Variants in CASP4 observed in about 807,000 individuals in gnomAD.
CASP4 encodes the protein caspase 4.
In CASP4, 29 loss-of-function variants were observed where a neutral mutation model predicts 41.3. The observed-to-expected ratio is 0.70, with a 90% CI of 0.52 to 0.96. CASP4 has a LOEUF of 0.96. CASP4 is among the 40% of genes least tolerant of loss of function. The pLI is 0.00. For missense variants in CASP4, 447 were observed against 460.6 expected (o/e 0.97, Z 0.27); for synonymous variants, 185 against 158.4 (o/e 1.17, Z -1.26).
chr11:104,949,686 A>C lies in CASP4; in HGVS notation c.638T>G (p.Leu213Arg). Reference protein sequence around the residue: ...TFLVLMSHGILEGICGTVHDE... With the variant: ...TFLVLMSHGIREGICGTVHDE... ...ATGCACAGTTCCGCAGATTCCCTCC[A>C]GGATGCCATGAGACATGAGTACCAA... is the stretch of plus-strand genomic sequence containing the variant. Residue 213 changes from leucine (L) to arginine (R), a missense_variant, in exon 5 of 9, where the codon CTG (leucine) becomes CGG (arginine). By Grantham distance (102) the Leu-to-Arg change is moderately radical. Transcript: ENST00000444739. 1 of 1,613,956 alleles carries C rather than the reference A, an allele frequency of 6.2e-7. No homozygotes were observed. Among genetic ancestry groups the C allele is most frequent in the Non-Finnish European group, 8.5e-7 (1 of 1,179,896 alleles).
At chr11:104,949,893 C>T (rs1424027938) in intron 4 of CASP4, 116 bp from the exon 5 acceptor site, 2 of 915,590 alleles carry the variant, frequency 2.2e-6, no homozygotes, top group Admixed American at 2.1e-5. Context: ...TGGTGCTTCA[C>T]TTAGTGCTTA....
intron 2 of CASP4, among the ~76,000 whole-genome samples, chr11:104,953,311 G>A (rs1020663396): frequency 4.6e-5 from 7 of 152,170 alleles, no homozygotes; most frequent in Middle Eastern, 3.4e-3. Flanking sequence ...AGGGGTTGCC[G>A]CTGCCTTATT....
intron 2 of CASP4, 158 bp from the exon 3 acceptor site, chr11:104,952,163 G>A (rs887572140): frequency 1.8e-6 from 1 of 566,050 alleles, no homozygotes; most frequent in Non-Finnish European, 3.2e-6. Context: ...GAGATGTATT[G>A]TTACTGGAAA....
chr11:104,967,727 A>G (rs768484073), intron 1 of CASP4, among the ~76,000 whole-genome samples: 33 of 152,190 alleles, frequency 2.2e-4, no homozygotes, highest in Non-Finnish European at 4.3e-4. Flanking sequence ...CTTTTTTTAT[A>G]TGACTACAGA....
chr11:104,949,501 A>C, intron 5 of CASP4, 42 bp downstream of exon 5: 1 of 1,593,720 alleles, frequency 6.3e-7, no homozygotes, highest in Non-Finnish European at 8.6e-7. Flanking sequence ...AATCCTCTGC[A>C]TACACCTTCA....
chr11:104,967,805 A>T (rs755506449), intron 1 of CASP4, among the ~76,000 whole-genome samples: 37 of 152,172 alleles, frequency 2.4e-4, no homozygotes, highest in Non-Finnish European at 4.1e-4. Context: ...TCCTGTGAGG[A>T]GAATGAAGCC....
At chr11:104,950,680 A>G (rs555082447) in intron 4 of CASP4, among the ~76,000 whole-genome samples, 1 of 152,246 alleles carries the variant, frequency 6.6e-6, no homozygotes, top group East Asian at 1.9e-4. Flanking sequence ...TGATTTTGGA[A>G]TTCAATAAGA....
chr11:104,955,966 T>C (rs1860728545), intron 1 of CASP4, among the ~76,000 whole-genome samples: 1 of 152,124 alleles, frequency 6.6e-6, no homozygotes, highest in Admixed American at 6.5e-5. Flanking sequence ...ACCAGCCTCA[T>C]TGTCTGGGTT....
rs56054281 is a variant in CASP4, at chr11:104,960,808, C to T, written c.8-5807G>A. Reference sequence around the variant, plus strand: ...TATTTTTCCATTTAATTGTGATTCCCAGCCTACTTATCTCTATCCACTGTT... The same window carrying T: ...TATTTTTCCATTTAATTGTGATTCCTAGCCTACTTATCTCTATCCACTGTT... On this transcript the variant is annotated intron_variant, in intron 1 of 8. Transcript: ENST00000444739. 3.5e-3 allele frequency among the ~76,000 whole-genome samples: 536 copies of T among 152,088 alleles called. 13 individuals are homozygous for T. The East Asian group carries it at 0.07, about 20-fold the overall frequency.
At chr11:104,952,722 T>C (rs1338481351) in intron 2 of CASP4, among the ~76,000 whole-genome samples, 4 of 152,196 alleles carry the variant, frequency 2.6e-5, no homozygotes, top group African/African-American at 9.7e-5. Context: ...TAATTTTTAA[T>C]GATTCTAGAA....
intron 4 of CASP4, 100 bp from the exon 5 acceptor site, chr11:104,949,877 A>G (rs1296837702): frequency 2.1e-5 from 23 of 1,108,974 alleles, no homozygotes; most frequent in Non-Finnish European, 2.9e-5. Flanking sequence ...TGTAACATCC[A>G]GGTCGTGGTG....
chr11:104,966,521 C>A (rs1160126074), intron 1 of CASP4, among the ~76,000 whole-genome samples: 1 of 152,174 alleles, frequency 6.6e-6, no homozygotes, highest in Non-Finnish European at 1.5e-5. Flanking sequence ...GTCTCAGGTA[C>A]AGCTGTCCAG....
Position 104,954,894 on chromosome 11 carries a change from C to A in CASP4, c.115G>T (p.Glu39Ter), listed in dbSNP as rs369105517. The change falls in exon 2 of 9, where the codon GAA (glutamate) becomes TAA (stop). Residue 39 changes from glutamate to a stop codon, truncating the protein, a stop_gained. Transcript: ENST00000444739. LOFTEE classifies it high-confidence loss of function. ...LVEQNVLNWK[E>*]EEKKKYYDAK... Reference sequence around the variant, plus strand: ...TCGTAATATTTCTTTTTTTCCTCTTCCTTCCAGTTCAGTACATTTTGTTCC... The same window carrying A: ...TCGTAATATTTCTTTTTTTCCTCTTACTTCCAGTTCAGTACATTTTGTTCC... 1.9e-6 allele frequency: 3 copies of A among 1,613,618 alleles called. No individual in the cohort carries two copies. The highest frequency in any genetic ancestry group is 2.7e-5 in the African/African-American group (2 of 74,888).
rs759249933 is a variant in CASP4 at position 104,951,975 on chromosome 11, T to C, written c.293A>G (p.Glu98Gly). 3.1e-6 allele frequency: 5 copies of C among 1,612,504 alleles called. No homozygotes were observed. The highest frequency in any genetic ancestry group is 3.4e-6 in the Non-Finnish European group (4 of 1,179,022). ...GAGGGCATCTGTAGATTCTCCTGACTCAGGTGGTCCAGCCTCCATATTCGG... is the reference window on the plus strand; with the variant it reads ...GAGGGCATCTGTAGATTCTCCTGACCCAGGTGGTCCAGCCTCCATATTCGG... ...AHPNMEAGPP[E>G]SGESTDALKL... The change falls in exon 3 of 9, where the codon GAG becomes GGG. Residue 98 changes from glutamate to glycine, a missense_variant. By Grantham distance (98) the Glu-to-Gly change is moderately conservative (BLOSUM62 -2). Coordinates refer to ENST00000444739, the MANE Select transcript of CASP4 (RefSeq NM_001225.4).
At chr11:104,961,199 C>T (rs1860851033) in intron 1 of CASP4, among the ~76,000 whole-genome samples, 1 of 152,230 alleles carries the variant, frequency 6.6e-6, no homozygotes, top group South Asian at 2.1e-4. Flanking sequence ...GCAGGCACTG[C>T]CAACCCAATG....
At chr11:104,955,689 A>C (rs1215463074) in intron 1 of CASP4, among the ~76,000 whole-genome samples, 1 of 152,096 alleles carries the variant, frequency 6.6e-6, no homozygotes, top group Non-Finnish European at 1.5e-5. Context: ...GATTAGTTTA[A>C]TTTGACACCA....
rs1860605506 is a variant in CASP4, at chr11:104,951,236, C to G, written c.373-138G>C. On this transcript the variant is annotated intron_variant, in intron 3 of 8. Coordinates refer to ENST00000444739, the MANE Select transcript of CASP4 (RefSeq NM_001225.4). ...TTGTATCAAAAGACACTGACTTTCT[C>G]TCTCTCAAGAACCCAGGGAAAGAAC... 4.5e-6 allele frequency: 3 copies of G among 662,898 alleles called. No homozygotes were observed. In the South Asian group the frequency reaches 7.4e-5, roughly 16 times the overall value. The allele number at this position is 662,898 out of a possible 1,614,324, so 41.1% of individuals were successfully genotyped here. A position where few individuals can be genotyped will look rare whatever the true frequency, so the allele number is the denominator to read the frequency against.
In CASP4 at chr11:104,949,289, T is replaced by C. The variant is rs1860545236; in HGVS notation, c.781+254A>G. On this transcript the variant is annotated intron_variant, in intron 5 of 8. Transcript: ENST00000444739. ...CCATTCCAAAGTTTGAGTATTTCTG[T>C]TTAACTTTGATTTAGGGATTCTGAT... 7.5e-5 allele frequency: 38 copies of C among 508,486 alleles called. 1 individual carries two copies. In the South Asian group the frequency reaches 1.1e-3, roughly 15 times the overall value. 31.5% of individuals were successfully genotyped at this position (508,486 alleles called of 1,614,324 possible).
At chr11:104,963,501 T>G (rs780395378) in intron 1 of CASP4, among the ~76,000 whole-genome samples, 1 of 152,202 alleles carries the variant, frequency 6.6e-6, no homozygotes, top group Non-Finnish European at 1.5e-5. Context: ...AGTTTGAATT[T>G]TGGGGATATC....
Sources: allele counts gnomAD v4.1 joint callset (sites outside exome capture counted in the v4.1 genomes callset), GRCh38; gene constraint gnomAD v4.1.1; transcripts MANE v1.5; gene names NCBI Gene and HGNC (gene_info 2026-07-23, HGNC 2026-07-21).